The following SNTG1 variants were observed in gnomAD, a reference collection of about 807,000 sequenced individuals.
SNTG1 encodes syntrophin gamma 1.
A neutral mutation model predicts 74.7 loss-of-function variants in SNTG1; 39 were observed. The ratio of observed to expected loss-of-function variants is 0.52; its 90% confidence interval spans 0.40 to 0.68. SNTG1 has a LOEUF of 0.68. Among genes scored for constraint, SNTG1 ranks in the 30% least tolerant of loss-of-function variants. The pLI, the probability that SNTG1 is intolerant of heterozygous loss-of-function variation, is 0.00. For synonymous variants in SNTG1, 254 were observed against 217.1 expected, an observed-to-expected ratio of 1.17 and a Z score of -1.49; for missense variants, 685 against 609.5, an observed-to-expected ratio of 1.12 and a Z score of -1.30.
intron 2 of SNTG1, among the ~76,000 whole-genome samples, chr8:50,254,548 G>T (rs1270619425): frequency 6.6e-6 from 1 of 152,062 alleles, no homozygotes; most frequent in Non-Finnish European, 1.5e-5. Context: ...AGTGAGAATA[G>T]AAAATAGAAA....
intron 4 of SNTG1, among the ~76,000 whole-genome samples, chr8:50,414,774 G>A (rs28669842): frequency 0.18 from 26,762 of 151,894 alleles, 2,623 homozygotes; most frequent in Middle Eastern, 0.27. Flanking sequence ...TGTGTTTGTG[G>A]AAAAGCTATC....
intron 1 of SNTG1, among the ~76,000 whole-genome samples, chr8:49,930,744 TAGAA>T (rs1220470729): frequency 3.3e-5 from 5 of 152,118 alleles, no homozygotes; most frequent in Non-Finnish European, 5.9e-5. Flanking sequence ...TTTTAATTGT[TAGAA>T]AGGAATACAA....
chr8:50,278,272 A>G (rs4345573), intron 2 of SNTG1, among the ~76,000 whole-genome samples: 152,331 of 152,336 alleles, frequency 1, 76,163 homozygotes, highest in Middle Eastern at 1. Context: ...ATTTTCTCTC[A>G]TTGTTGAATA....
intron 4 of SNTG1, among the ~76,000 whole-genome samples, chr8:50,429,469 T>C (rs943123481): frequency 2.0e-5 from 3 of 152,154 alleles, no homozygotes; most frequent in African/African-American, 7.2e-5. Context: ...TCACACCACA[T>C]ACAAAAGTTA....
chr8:50,647,034 C>T (rs2095113518), intron 13 of SNTG1, among the ~76,000 whole-genome samples: 1 of 152,020 alleles, frequency 6.6e-6, no homozygotes, highest in South Asian at 2.1e-4. Flanking sequence ...ATAATCTAGA[C>T]ACAAACCTTA....
At chr8:50,340,218 G>T (rs1221914724) in intron 2 of SNTG1, among the ~76,000 whole-genome samples, 1 of 151,942 alleles carries the variant, frequency 6.6e-6, no homozygotes, top group African/African-American at 2.4e-5. Flanking sequence ...CTAATAAACT[G>T]ATTCTAAATT....
chr8:50,410,639 G>C (rs939718851), intron 4 of SNTG1, among the ~76,000 whole-genome samples: 1 of 152,106 alleles, frequency 6.6e-6, no homozygotes, highest in Non-Finnish European at 1.5e-5. Context: ...ATAACTGAAA[G>C]TTTGTACCTT....
At chr8:50,487,307 A>T (rs1190657905) in intron 8 of SNTG1, among the ~76,000 whole-genome samples, 1 of 152,222 alleles carries the variant, frequency 6.6e-6, no homozygotes, top group Non-Finnish European at 1.5e-5. Context: ...AGAATTAGAA[A>T]TACCATTTGA....
In SNTG1 at chr8:50,235,049, A is replaced by G. The variant is rs1358904983; in HGVS notation, c.-28+62414A>G. Among the ~76,000 whole-genome samples, 9 of 152,272 alleles carry G rather than the reference A, an allele frequency of 5.9e-5. No homozygotes were observed. The East Asian group carries it at 1.7e-3, about 29-fold the overall frequency. ...ATCAAGGTTAGCTTGGTTAGTTGACAAAAATTTAAGAAATGCTGACAAAAT... is the reference window on the plus strand; with the variant it reads ...ATCAAGGTTAGCTTGGTTAGTTGACGAAAATTTAAGAAATGCTGACAAAAT... On this transcript the variant is annotated intron_variant, in intron 2 of 18. Coordinates refer to ENST00000642720, the MANE Select transcript of SNTG1 (RefSeq NM_018967.5).
At chr8:50,609,637 C>G (rs2094836433) in intron 13 of SNTG1, among the ~76,000 whole-genome samples, 1 of 151,992 alleles carries the variant, frequency 6.6e-6, no homozygotes, top group African/African-American at 2.4e-5. Flanking sequence ...CTTCTCTCTC[C>G]TTTCTGCCTT....
chr8:49,937,730 G>C (rs1808214948), intron 1 of SNTG1, among the ~76,000 whole-genome samples: 1 of 152,046 alleles, frequency 6.6e-6, no homozygotes. Flanking sequence ...AGGTAAAAAG[G>C]GTCATGTGAA....
chr8:50,544,854 CTAG>C (rs1021507640), intron 11 of SNTG1, among the ~76,000 whole-genome samples: 1 of 151,856 alleles, frequency 6.6e-6, no homozygotes, highest in Admixed American at 6.6e-5. Flanking sequence ...AGCTCACAGA[CTAG>C]TAGTAGTAGA....
At chr8:50,248,794 C>A (rs929576357) in intron 2 of SNTG1, among the ~76,000 whole-genome samples, 4 of 152,246 alleles carry the variant, frequency 2.6e-5, no homozygotes, top group Admixed American at 2.0e-4. Flanking sequence ...ATGATATTAG[C>A]AATAATTCAT....
chr8:50,039,941 T>G (rs1461310497), intron 1 of SNTG1, among the ~76,000 whole-genome samples: 3 of 152,102 alleles, frequency 2.0e-5, no homozygotes, highest in Non-Finnish European at 4.4e-5. Context: ...ACAGCCCTAG[T>G]GCACATGATG....
At chr8:50,042,104 C>G (rs1818687533) in intron 1 of SNTG1, among the ~76,000 whole-genome samples, 1 of 152,186 alleles carries the variant, frequency 6.6e-6, no homozygotes, top group Non-Finnish European at 1.5e-5. Context: ...GTTTGTATTT[C>G]TAACCTTTTC....
intron 8 of SNTG1, among the ~76,000 whole-genome samples, chr8:50,494,329 A>G (rs921832997): frequency 6.6e-6 from 1 of 151,972 alleles, no homozygotes; most frequent in African/African-American, 2.4e-5. Flanking sequence ...AAAATACAGT[A>G]TTGGCATATG....
intron 12 of SNTG1, among the ~76,000 whole-genome samples, chr8:50,575,427 T>A (rs2094571425): frequency 6.6e-6 from 1 of 152,182 alleles, no homozygotes; most frequent in African/African-American, 2.4e-5. Context: ...GAGCTATCAT[T>A]TTCCTCTACA....
At chr8:50,394,637 C>T (rs1449540387) in intron 3 of SNTG1, among the ~76,000 whole-genome samples, 1 of 152,074 alleles carries the variant, frequency 6.6e-6, no homozygotes, top group Non-Finnish European at 1.5e-5. Flanking sequence ...TTTTATGATT[C>T]TGATAGTATT....
chr8:50,446,253 A>G (rs959229615), intron 5 of SNTG1, among the ~76,000 whole-genome samples: 1 of 152,192 alleles, frequency 6.6e-6, no homozygotes, highest in African/African-American at 2.4e-5. Context: ...CCAGTAATGA[A>G]GGCAGCGTGA....
Sources: gnomAD v4.1 joint callset for allele counts (sites outside exome capture counted in the v4.1 genomes callset) on GRCh38, gnomAD v4.1.1 for gene constraint, MANE v1.5 for transcripts, NCBI Gene and HGNC (gene_info 2026-07-23, HGNC 2026-07-21) for gene names.